Variants in S100A8 observed in about 807,000 individuals in gnomAD.
S100A8 encodes the protein protein S100-A8.
S100A8 carries 1 observed loss-of-function variant against 4.2 expected under a neutral mutation model. The observed-to-expected ratio is 0.24, with a 90% CI of 0.08 to 1.12. S100A8 has a LOEUF of 1.12. S100A8 is among the 50% of genes most tolerant of loss of function. The probability of loss-of-function intolerance (pLI) is 0.53; values close to 1 mark genes in which losing one functional copy is unlikely to be tolerated. For missense variants in S100A8, 96 were observed against 111.8 expected (o/e 0.86, Z 0.64); for synonymous variants, 41 against 44.7 (o/e 0.92, Z 0.33).
the S100A8 span, among the ~76,000 whole-genome samples, chr1:153,400,766 C>A: frequency 6.6e-6 from 1 of 152,188 alleles, no homozygotes; most frequent in African/African-American, 2.4e-5. Context: ...CATCATTACC[C>A]TGGCAATTTC....
the S100A8 span, among the ~76,000 whole-genome samples, chr1:153,408,923 A>G: frequency 6.6e-6 from 1 of 152,216 alleles, no homozygotes; most frequent in African/African-American, 2.4e-5. Flanking sequence ...AGACAAGCAA[A>G]TGCTGAGAGA....
At chr1:153,405,156 G>A in the S100A8 span, among the ~76,000 whole-genome samples, 2 of 151,768 alleles carry the variant, frequency 1.3e-5, no homozygotes, top group South Asian at 4.2e-4. Flanking sequence ...TTAAAATTGG[G>A]CGAGATGAGG....
chr1:153,417,969 G>T, the S100A8 span: 7 of 1,447,056 alleles, frequency 4.8e-6, no homozygotes, highest in African/African-American at 2.9e-5. Flanking sequence ...CCATCTTAGG[G>T]CTGTTTTTAC....
chr1:153,418,930 C>T, the S100A8 span, among the ~76,000 whole-genome samples: 1 of 152,146 alleles, frequency 6.6e-6, no homozygotes, highest in Admixed American at 6.5e-5. Context: ...GCCTCCCATC[C>T]TGAGGTGTGA....
Position 153,390,065 on chromosome 1 carries a change from C to T in S100A8, c.*38G>A, listed in dbSNP as rs1317220569. On this transcript the variant is annotated 3_prime_UTR_variant, in exon 3 of 3. Transcript: ENST00000368733. ...TGATGACTTTATTATTCTGCAGGTA[C>T]ATGTCCAGGGGCCCAGCCTCTGGGC... is the stretch of plus-strand genomic sequence containing the variant. 2.5e-6 allele frequency: 4 copies of T among 1,572,548 alleles called. No homozygotes were observed. The highest frequency in any genetic ancestry group is 3.5e-6 in the Non-Finnish European group (4 of 1,156,036).
At chr1:153,412,071 G>T in the S100A8 span, among the ~76,000 whole-genome samples, 1 of 152,142 alleles carries the variant, frequency 6.6e-6, no homozygotes, top group African/African-American at 2.4e-5. Flanking sequence ...ACATAGGCAT[G>T]GGCAAAGACT....
the S100A8 span, among the ~76,000 whole-genome samples, chr1:153,407,423 G>A: frequency 4.6e-5 from 7 of 152,192 alleles, no homozygotes; most frequent in Non-Finnish European, 7.3e-5. Flanking sequence ...CTGGGGGCAG[G>A]GTGCCCGCCA....
At chr1:153,404,081 T>A in the S100A8 span, among the ~76,000 whole-genome samples, 3 of 152,278 alleles carry the variant, frequency 2.0e-5, no homozygotes, top group South Asian at 4.2e-4. Context: ...ACTGGTTTAT[T>A]ACAAAGAGTA....
the S100A8 span, among the ~76,000 whole-genome samples, chr1:153,407,451 G>A: frequency 6.6e-6 from 1 of 152,216 alleles, no homozygotes; most frequent in Non-Finnish European, 1.5e-5. Flanking sequence ...GGCTTGAGTA[G>A]GTAAACAAAG....
the S100A8 span, among the ~76,000 whole-genome samples, chr1:153,402,466 A>T: frequency 6.6e-6 from 1 of 152,176 alleles, no homozygotes; most frequent in Non-Finnish European, 1.5e-5. Context: ...AGAGGTGCTC[A>T]GGTAGGAGCC....
chr1:153,397,495 A>G, the S100A8 span, among the ~76,000 whole-genome samples: 1 of 152,072 alleles, frequency 6.6e-6, no homozygotes, highest in Admixed American at 6.5e-5. Flanking sequence ...GGTAGGGGAG[A>G]GGAAAGAGGC....
chr1:153,413,887 G>C, the S100A8 span, among the ~76,000 whole-genome samples: 2 of 151,972 alleles, frequency 1.3e-5, no homozygotes, highest in Non-Finnish European at 2.9e-5. Context: ...GGCTGCAAGA[G>C]CAAAAGTGTG....
chr1:153,404,351 C>T, the S100A8 span, among the ~76,000 whole-genome samples: 1 of 152,200 alleles, frequency 6.6e-6, no homozygotes, highest in South Asian at 2.1e-4. Context: ...AAAGCTCCAG[C>T]CCTCTAATCA....
At chr1:153,410,709 T>C in the S100A8 span, among the ~76,000 whole-genome samples, 2 of 152,166 alleles carry the variant, frequency 1.3e-5, no homozygotes, top group Non-Finnish European at 2.9e-5. Flanking sequence ...ATATCCCTGA[T>C]GAATATCAGT....
chr1:153,393,325 T>C (rs1055021414), upstream of S100A8, among the ~76,000 whole-genome samples: 3 of 152,224 alleles, frequency 2.0e-5, no homozygotes, highest in Non-Finnish European at 4.4e-5. Flanking sequence ...TGCCCTGCTA[T>C]GTTATGATTC....
chr1:153,419,616 G>A, the S100A8 span: 1 of 385,244 alleles, frequency 2.6e-6, no homozygotes, highest in Non-Finnish European at 4.7e-6. Flanking sequence ...GAAGTTGGTA[G>A]AAGGCCCCTG....
chr1:153,413,910 G>C, the S100A8 span, among the ~76,000 whole-genome samples: 1 of 151,646 alleles, frequency 6.6e-6, no homozygotes, highest in Non-Finnish European at 1.5e-5. Flanking sequence ...TCATAAAAAA[G>C]AAAAAACAAG....
upstream of S100A8, among the ~76,000 whole-genome samples, chr1:153,392,066 G>A (rs1662111959): frequency 6.6e-6 from 1 of 152,034 alleles, no homozygotes; most frequent in African/African-American, 2.4e-5. Flanking sequence ...TGTTTCTGTT[G>A]TTACAAAGAA....
At chr1:153,401,742 T>A in the S100A8 span, among the ~76,000 whole-genome samples, 2 of 152,174 alleles carry the variant, frequency 1.3e-5, no homozygotes, top group Non-Finnish European at 2.9e-5. Flanking sequence ...TCAAGCAGGA[T>A]AATATTCAAT....
Sources: gnomAD v4.1 joint callset for allele counts (sites outside exome capture counted in the v4.1 genomes callset) on GRCh38, gnomAD v4.1.1 for gene constraint, MANE v1.5 for transcripts, NCBI Gene and HGNC (gene_info 2026-07-23, HGNC 2026-07-21) for gene names.